Variants in RSPO3 observed in about 807,000 individuals in gnomAD.
The protein encoded by RSPO3 is R-spondin 3.
Under a neutral mutation model 36.5 loss-of-function variants are expected in RSPO3, and 17 were observed. That is an observed-to-expected ratio of 0.47 (90% CI 0.32 to 0.70). RSPO3 has a LOEUF of 0.70. Ranked by LOEUF, RSPO3 falls within the 30% of genes least tolerant of loss-of-function variation. RSPO3 has a pLI of 0.04. For synonymous variants in RSPO3, 108 were observed against 107.0 expected (o/e 1.01, Z -0.06); for missense variants, 294 against 322.5 (o/e 0.91, Z 0.68).
Position 127,159,480 on chromosome 6 carries a change from G to C in RSPO3, c.634+4042G>C, listed in dbSNP as rs576925958. 4.6e-5 allele frequency among the ~76,000 whole-genome samples: 7 copies of C among 151,950 alleles called. 1 individual carries two copies. In the South Asian group the frequency reaches 1.5e-3, roughly 32 times the overall value. On this transcript the variant is annotated intron_variant, in intron 4 of 4. Coordinates refer to ENST00000356698, the MANE Select transcript of RSPO3 (RefSeq NM_032784.5). ...AATATAAAAGGAACCCTTTAAAATA[G>C]AAAGAAATAAAATGTTTAGGGACAC...
chr6:127,126,571 C>T (rs1773943046), intron 1 of RSPO3, among the ~76,000 whole-genome samples: 1 of 151,960 alleles, frequency 6.6e-6, no homozygotes, highest in African/African-American at 2.4e-5. Flanking sequence ...AGTCTTCTTA[C>T]CTGTGGAACT....
intron 1 of RSPO3, among the ~76,000 whole-genome samples, chr6:127,136,227 C>T (rs1227863552): frequency 1.3e-5 from 2 of 152,146 alleles, no homozygotes; most frequent in South Asian, 2.1e-4. Context: ...TTAATAATGG[C>T]CTTCTTGGAG....
intron 4 of RSPO3, among the ~76,000 whole-genome samples, chr6:127,177,647 T>C (rs1775082120): frequency 1.3e-5 from 2 of 151,844 alleles, no homozygotes; most frequent in South Asian, 4.1e-4. Context: ...AGTGAAAAAC[T>C]GAAATGGTAA....
At chr6:127,183,702 T>A (rs550266963) in intron 4 of RSPO3, among the ~76,000 whole-genome samples, 61 of 152,058 alleles carry the variant, frequency 4.0e-4, no homozygotes, top group Non-Finnish European at 6.9e-4. Context: ...AGAGCAATAG[T>A]AGCAGTGCTT....
At chr6:127,171,185 T>C (rs1774927053) in intron 4 of RSPO3, among the ~76,000 whole-genome samples, 1 of 151,860 alleles carries the variant, frequency 6.6e-6, no homozygotes, top group Non-Finnish European at 1.5e-5. Context: ...TTTTCAGTTA[T>C]AATCATGGTA....
At chr6:127,121,748 A>G (rs1225483322) in intron 1 of RSPO3, among the ~76,000 whole-genome samples, 2 of 152,224 alleles carry the variant, frequency 1.3e-5, no homozygotes, top group Non-Finnish European at 2.9e-5. Context: ...TGGGGGAAAA[A>G]AACGAACAAA....
In RSPO3 at chr6:127,182,696, C is replaced by G. The variant is rs1325704162; in HGVS notation, c.635-13127C>G. ...TAAATGGAAAGTTTCATCATACTACCCAGTGGTCCATTTTGGTGGCATTCC... is the reference window on the plus strand; with the variant it reads ...TAAATGGAAAGTTTCATCATACTACGCAGTGGTCCATTTTGGTGGCATTCC... On this transcript the variant is annotated intron_variant, in intron 4 of 4. Transcript: ENST00000356698. Among the ~76,000 whole-genome samples the G allele has an allele frequency of 5.3e-5, 8 of 151,932 alleles. No individual in the cohort carries two copies. In the East Asian group the frequency reaches 9.8e-4, roughly 19 times the overall value.
At position 127,196,163 on chromosome 6, in the gene RSPO3, A is replaced by G; in HGVS notation, c.*156A>G. ...GTTGCTATATTCTTCATACAAGCAT[A>G]GTTAACAACAAAGAGCCAAAAGATC... On this transcript the variant is annotated 3_prime_UTR_variant, in exon 5 of 5. Transcript: ENST00000356698. 1.9e-6 allele frequency: 1 copy of G among 515,058 alleles called. No homozygotes were observed. Among genetic ancestry groups the G allele is most frequent in the Admixed American group, 3.9e-5 (1 of 25,956 alleles). 31.9% of individuals were successfully genotyped at this position (515,058 alleles called of 1,614,324 possible). A position where few individuals can be genotyped will look rare whatever the true frequency, so the allele number is the denominator to read the frequency against.
Position 127,159,023 on chromosome 6 carries a change from A to T in RSPO3, c.634+3585A>T, listed in dbSNP as rs1774651583. Reference sequence around the variant, plus strand: ...CATCATATTTAAGTAGAAGTAAACAAGGAGAAAATGCATTTCCAGTGGTTG... The same window carrying T: ...CATCATATTTAAGTAGAAGTAAACATGGAGAAAATGCATTTCCAGTGGTTG... On this transcript the variant is annotated intron_variant, in intron 4 of 4. Transcript: ENST00000356698. Among the ~76,000 whole-genome samples, 3 of 152,198 alleles carry T rather than the reference A, an allele frequency of 2.0e-5. No homozygotes were observed. The South Asian group carries it at 6.2e-4, about 32-fold the overall frequency.
intron 4 of RSPO3, among the ~76,000 whole-genome samples, chr6:127,191,331 G>T (rs1297872599): frequency 6.6e-6 from 1 of 152,050 alleles, no homozygotes; most frequent in South Asian, 2.1e-4. Flanking sequence ...AAATGTGGTT[G>T]CACATCAAAA....
At chr6:127,126,878 T>C (rs1773948864) in intron 1 of RSPO3, among the ~76,000 whole-genome samples, 1 of 151,994 alleles carries the variant, frequency 6.6e-6, no homozygotes. Context: ...GCTCTCCCCC[T>C]TTTTCCTCCT....
intron 4 of RSPO3, among the ~76,000 whole-genome samples, chr6:127,161,274 A>G (rs1374251948): frequency 6.6e-6 from 1 of 152,190 alleles, no homozygotes; most frequent in Admixed American, 6.6e-5. Context: ...CTTGATAGAT[A>G]TAGAAAAAAA....
At chr6:127,139,982 G>A (rs1310777503) in intron 1 of RSPO3, among the ~76,000 whole-genome samples, 1 of 152,154 alleles carries the variant, frequency 6.6e-6, no homozygotes, top group African/African-American at 2.4e-5. Flanking sequence ...TGAGTAGTTT[G>A]TAACAGTTTC....
At chr6:127,128,837 A>G (rs559568137) in intron 1 of RSPO3, among the ~76,000 whole-genome samples, 1 of 152,270 alleles carries the variant, frequency 6.6e-6, no homozygotes, top group East Asian at 1.9e-4. Context: ...TGCTGGCTTC[A>G]TAGAATAAGA....
At chr6:127,139,831 A>G (rs558321179) in intron 1 of RSPO3, among the ~76,000 whole-genome samples, 3 of 152,188 alleles carry the variant, frequency 2.0e-5, no homozygotes, top group Admixed American at 1.3e-4. Flanking sequence ...GGAGAAGGGG[A>G]AGCTTTCCCT....
chr6:127,180,211 A>G (rs572629572), intron 4 of RSPO3, among the ~76,000 whole-genome samples: 5 of 151,822 alleles, frequency 3.3e-5, no homozygotes, highest in Non-Finnish European at 7.4e-5. Context: ...AAGCAACATC[A>G]ATAAAATCAC....
intron 1 of RSPO3, among the ~76,000 whole-genome samples, chr6:127,121,154 A>C (rs2114529916): frequency 6.6e-6 from 1 of 152,288 alleles, no homozygotes; most frequent in African/African-American, 2.4e-5. Context: ...AAGGAGGGAC[A>C]GGGTACTGAG....
At chr6:127,162,163 T>C (rs13202608) in intron 4 of RSPO3, among the ~76,000 whole-genome samples, 10,611 of 152,222 alleles carry the variant, frequency 0.07, 516 homozygotes, top group Non-Finnish European at 0.11. Context: ...GGCATAGTTT[T>C]TACTTCCACC....
At chr6:127,173,246 C>T (rs765805618) in intron 4 of RSPO3, among the ~76,000 whole-genome samples, 1 of 151,776 alleles carries the variant, frequency 6.6e-6, no homozygotes, top group Non-Finnish European at 1.5e-5. Flanking sequence ...AGTGATTTCC[C>T]CTTTTGCTTC....
Sources: allele counts gnomAD v4.1 joint callset (sites outside exome capture counted in the v4.1 genomes callset), GRCh38; gene constraint gnomAD v4.1.1; transcripts MANE v1.5; gene names NCBI Gene and HGNC (gene_info 2026-07-23, HGNC 2026-07-21).